The following CDH9 variants were observed in gnomAD, a reference collection of about 807,000 sequenced individuals.
The protein encoded by CDH9 is cadherin 9.
In CDH9, 28 loss-of-function variants were observed where a neutral mutation model predicts 70.9. That is an observed-to-expected ratio of 0.40 (90% CI 0.29 to 0.54). CDH9 has a LOEUF of 0.54. CDH9 is among the 20% of genes least tolerant of loss of function. The probability of loss-of-function intolerance (pLI) is 0.59; values close to 1 mark genes in which losing one functional copy is unlikely to be tolerated. For synonymous variants in CDH9, 409 were observed against 343.1 expected (o/e 1.19, Z -2.12); for missense variants, 874 against 984.4 (o/e 0.89, Z 1.50).
At chr5:26,980,258 T>A (rs903804356) in intron 2 of CDH9, among the ~76,000 whole-genome samples, 2 of 151,940 alleles carry the variant, frequency 1.3e-5, no homozygotes, top group Non-Finnish European at 2.9e-5. Flanking sequence ...AGGCATCTTC[T>A]TAGATTTGCC....
At chr5:27,017,429 G>A (rs1367751963) in intron 1 of CDH9, among the ~76,000 whole-genome samples, 3 of 108,002 alleles carry the variant, frequency 2.8e-5, no homozygotes, top group Non-Finnish European at 5.9e-5. Flanking sequence ...TGAGTCCACT[G>A]AAATTTTTTT....
At chr5:26,932,975 T>C (rs1324148137) in intron 2 of CDH9, among the ~76,000 whole-genome samples, 5 of 44,490 alleles carry the variant, frequency 1.1e-4, no homozygotes, top group Admixed American at 7.0e-4. Context: ...GTGTTACATA[T>C]ATAATTATAT....
At chr5:26,890,698 T>A (rs1308648436) in intron 7 of CDH9, 134 bp from the exon 8 acceptor site, 2 of 638,156 alleles carry the variant, frequency 3.1e-6, no homozygotes, top group East Asian at 5.4e-5. Flanking sequence ...CTTTCTTGAA[T>A]TTTTATTTTA....
At position 26,990,130 on chromosome 5, in the gene CDH9, AT is replaced by A. The variant is rs150864417; in HGVS notation, c.-49-1749del. 7.4e-3 allele frequency among the ~76,000 whole-genome samples: 1,129 copies of A among 152,284 alleles called. 20 individuals are homozygous for A. The highest frequency in any genetic ancestry group is 0.026 in the African/African-American group (1,072 of 41,566). On this transcript the variant is annotated intron_variant, in intron 1 of 11. Transcript: ENST00000231021. ...CTAGCACAAAACTCAACATATTAGC[AT>A]TATCATCATGATCATCACAACCATC...
At chr5:26,973,810 C>T (rs898777935) in intron 2 of CDH9, among the ~76,000 whole-genome samples, 10 of 152,130 alleles carry the variant, frequency 6.6e-5, no homozygotes, top group Admixed American at 6.5e-4. Flanking sequence ...TTTTAAAATG[C>T]AGTGAAACAT....
At chr5:26,981,525 C>T (rs1742398862) in intron 2 of CDH9, among the ~76,000 whole-genome samples, 3 of 151,874 alleles carry the variant, frequency 2.0e-5, no homozygotes, top group Admixed American at 2.0e-4. Context: ...GTGGAATCCA[C>T]ATATATGGAG....
Position 26,902,492 on chromosome 5 carries a change from T to C in CDH9, c.1237A>G (p.Arg413Gly). Residue 413 changes from arginine to glycine, a missense_variant, in exon 7 of 12, where the codon AGG becomes GGG. Arg to Gly is a moderately radical substitution (Grantham distance 125). Transcript: ENST00000231021. ...GQVTAYDPDA[R>G]NNLIKYSVDR... ...AGTACTTACTTTATTAAATTGTTCC[T>C]GGCATCTGGATCGTATGCTGTAACC... 6.2e-7 allele frequency: 1 copy of C among 1,600,968 alleles called. No individual in the cohort carries two copies. The highest frequency in any genetic ancestry group is 8.6e-7 in the Non-Finnish European group (1 of 1,169,356).
intron 2 of CDH9, among the ~76,000 whole-genome samples, chr5:26,977,491 A>ATATATATATATATATATATATG (rs997015830): frequency 1.4e-5 from 2 of 141,786 alleles, no homozygotes; most frequent in African/African-American, 6.1e-5. Context: ...GTGTGTATAT[A>ATATATATATATATATATATATG]TATATATATA....
At chr5:26,962,627 A>C (rs1461250858) in intron 2 of CDH9, among the ~76,000 whole-genome samples, 1 of 152,104 alleles carries the variant, frequency 6.6e-6, no homozygotes, top group Admixed American at 6.6e-5. Flanking sequence ...TTCTTTTGAG[A>C]AGCGTCTGTT....
chr5:26,929,445 A>T (rs557545257), intron 2 of CDH9, among the ~76,000 whole-genome samples: 1 of 152,172 alleles, frequency 6.6e-6, no homozygotes, highest in East Asian at 1.9e-4. Context: ...TCTTCAAAAA[A>T]CTAGAAATGG....
At chr5:27,026,961 A>C (rs1421795338) in intron 1 of CDH9, among the ~76,000 whole-genome samples, 1 of 152,042 alleles carries the variant, frequency 6.6e-6, no homozygotes, top group Non-Finnish European at 1.5e-5. Context: ...CAAGAATGGC[A>C]TTCACTTTAC....
intron 1 of CDH9, among the ~76,000 whole-genome samples, chr5:27,030,395 G>T (rs1033105656): frequency 1.3e-5 from 2 of 151,586 alleles, no homozygotes; most frequent in African/African-American, 4.8e-5. Context: ...TGAATGCCAG[G>T]TTAAAAAGGA....
chr5:26,893,623 G>C (rs1404801179), intron 7 of CDH9, among the ~76,000 whole-genome samples: 1 of 151,918 alleles, frequency 6.6e-6, no homozygotes, highest in Non-Finnish European at 1.5e-5. Context: ...AGGCTATAAA[G>C]GAGAAATAGA....
chr5:27,034,741 C>T (rs1743363205), intron 1 of CDH9, among the ~76,000 whole-genome samples: 2 of 151,290 alleles, frequency 1.3e-5, no homozygotes, highest in Admixed American at 6.6e-5. Context: ...CTCCAGAGAC[C>T]CTGCTTTTGT....
intron 1 of CDH9, among the ~76,000 whole-genome samples, chr5:27,020,758 T>A (rs1743125588): frequency 6.6e-6 from 1 of 151,292 alleles, no homozygotes. Context: ...TATATATATA[T>A]ATATATGCCT....
intron 1 of CDH9, among the ~76,000 whole-genome samples, chr5:26,995,443 T>C (rs1287046864): frequency 1.3e-5 from 2 of 152,146 alleles, no homozygotes; most frequent in African/African-American, 2.4e-5. Context: ...AGATTCTGTA[T>C]AAACTTCACA....
intron 2 of CDH9, among the ~76,000 whole-genome samples, chr5:26,942,944 C>T (rs1319403027): frequency 6.6e-6 from 1 of 151,936 alleles, no homozygotes. Flanking sequence ...TCTAGAAGTC[C>T]CTGCTGCCAG....
chr5:26,931,645 T>C (rs2112024542), intron 2 of CDH9, among the ~76,000 whole-genome samples: 2 of 152,184 alleles, frequency 1.3e-5, no homozygotes, highest in Middle Eastern at 3.4e-3. Flanking sequence ...GGAAGGGCAT[T>C]GTATCATGAA....
intron 1 of CDH9, among the ~76,000 whole-genome samples, chr5:27,026,615 T>C (rs569067882): frequency 1.3e-5 from 2 of 152,142 alleles, no homozygotes; most frequent in Admixed American, 6.6e-5. Flanking sequence ...TCATACTCAC[T>C]GCTACAATAT....
Sources: allele counts gnomAD v4.1 joint callset (sites outside exome capture counted in the v4.1 genomes callset), GRCh38; gene constraint gnomAD v4.1.1; transcripts MANE v1.5; gene names NCBI Gene and HGNC (gene_info 2026-07-23, HGNC 2026-07-21).